MIB2: variants seen among roughly 807,000 people sequenced by gnomAD.
The protein encoded by MIB2 is MIB E3 ubiquitin protein ligase 2.
MIB2 carries 78 observed loss-of-function variants against 96.6 expected under a neutral mutation model. The observed-to-expected ratio is 0.81, with a 90% confidence interval of 0.67 to 0.97. MIB2 has a LOEUF of 0.97. Among genes scored for constraint, MIB2 ranks in the 50% least tolerant of loss-of-function variants. The pLI is 0.00. For missense variants in MIB2, 1,543 were observed against 1,424.0 expected, an observed-to-expected ratio of 1.08 and a Z score of -1.35; for synonymous variants, 820 against 629.5, an observed-to-expected ratio of 1.30 and a Z score of -4.53.
intron 1 of MIB2, 160 bp from the exon 2 acceptor site, chr1:1,616,348 C>G (rs1643674224): frequency 3.6e-6 from 2 of 552,452 alleles, no homozygotes; most frequent in African/African-American, 2.0e-5. Flanking sequence ...CCTGCGCGCT[C>G]AGACCCCAGG....
chr1:1,627,547 G>T (rs1644915742), intron 12 of MIB2, 103 bp downstream of exon 12: 1 of 1,475,636 alleles, frequency 6.8e-7, no homozygotes, highest in Admixed American at 2.4e-5. Context: ...GCGTCCTGGG[G>T]TGAGGCCTGG....
Position 1,628,296 on chromosome 1 carries a change from G to GGGCGC in MIB2, c.1869_1873dup (p.Gln625ArgfsTer39). On this transcript the variant is annotated frameshift_variant, in exon 15 of 20. Transcript: ENST00000355826. LOFTEE classifies it high-confidence loss of function. ...AGAGCTGTGAGAAAGATTCTGGCTC[G>GGGCGC]GGCGCGGCAGCTGGTGGACGCCAAG... 1 of 1,612,938 alleles carries GGGCGC rather than the reference G, an allele frequency of 6.2e-7. No homozygotes were observed.
At chr1:1,629,824 C>T (rs1638407780) in intron 19 of MIB2, 120 bp downstream of exon 19, 3 of 1,135,638 alleles carry the variant, frequency 2.6e-6, no homozygotes, top group South Asian at 1.7e-5. Flanking sequence ...TTACACCCCG[C>T]CCTCCCAAGG....
intron 2 of MIB2, 21 bp from the exon 3 acceptor site, chr1:1,623,410 C>G (rs757179902): frequency 2.5e-6 from 4 of 1,601,050 alleles, no homozygotes; most frequent in African/African-American, 1.3e-5. Flanking sequence ...CCCGGCCCAC[C>G]ATGGACCCCT....
chr1:1,626,846 C>G lies in MIB2; in HGVS notation c.1087C>G (p.Arg363Gly), dbSNP rs549282813. The G allele has an allele frequency of 2.5e-6, 4 of 1,602,332 alleles. No individual in the cohort carries two copies. In the East Asian group the frequency reaches 8.9e-5, roughly 36 times the overall value. The change falls in exon 10 of 20, where the codon CGC (arginine) becomes GGC (glycine). Residue 363 changes from arginine (R) to glycine (G), a missense_variant. Transcript: ENST00000355826. This position sits in a 1 kb window ranked among gnomAD's most constrained non-coding sequence, Gnocchi z 5.3. ...CCTCCCCTCCCCGCAGGCCCTGGGC[C>G]GCGTCGGGAAGGTGGTGAAAGTGTT... The part of the protein sequence containing the change: ...WTDDMAPALG[R>G]VGKVVKVFGD...
rs149275584 is a variant in MIB2, at chr1:1,616,654, G to C, written c.-23+40G>C. On this transcript the variant is annotated intron_variant, in intron 2 of 19. Coordinates refer to ENST00000355826, the MANE Select transcript of MIB2 (RefSeq NM_001170687.4). ...GTCCGCGGCCTGATAGTTTGCACTT[G>C]GCTCTCCCACTTTGGGGCTCCGTGG... 7,174 of 1,506,136 alleles carry C rather than the reference G, an allele frequency of 4.8e-3. 175 individuals are homozygous for C. Among genetic ancestry groups the C allele is most frequent in the South Asian group, 0.046 (3,742 of 81,638 alleles). 93.3% of individuals were successfully genotyped at this position (1,506,136 alleles called of 1,614,324 possible). A position where few individuals can be genotyped will look rare whatever the true frequency, so the allele number is the denominator to read the frequency against.
Position 1,629,521 on chromosome 1 carries a change from C to T in MIB2, c.2518C>T (p.Leu840=). 2 of 1,540,164 alleles carry T rather than the reference C, an allele frequency of 1.3e-6. No individual in the cohort carries two copies. The highest frequency in any genetic ancestry group is 1.7e-6 in the Non-Finnish European group (2 of 1,147,282). Reference sequence around the variant, plus strand: ...GTGCCTGGTGTGCTCCGAGCTGGCGCTGCTGGTGCTGTTCTCGCCGTGCCA... The same window carrying T: ...GTGCCTGGTGTGCTCCGAGCTGGCGTTGCTGGTGCTGTTCTCGCCGTGCCA... ...AECLVCSELA[L]LVLFSPCQHR... Residue 840 remains leucine, a synonymous_variant, in exon 18 of 20, where the codon CTG becomes TTG. Transcript: ENST00000355826.
intron 2 of MIB2, 131 bp downstream of exon 2, chr1:1,616,745 A>C: frequency 1.5e-6 from 1 of 685,908 alleles, no homozygotes; most frequent in Non-Finnish European, 2.4e-6. Context: ...GTGGTGAGTA[A>C]TCCCGCGTCT....
intron 1 of MIB2, 81 bp downstream of exon 1, chr1:1,615,714 C>A: frequency 6.7e-7 from 1 of 1,496,268 alleles, no homozygotes; most frequent in Non-Finnish European, 8.9e-7. Flanking sequence ...ACGCGAGCGC[C>A]GTCCGGTTCC....
At position 1,628,387 on chromosome 1, in the gene MIB2, C is replaced by T. The variant is rs780894660; in HGVS notation, c.1956C>T (p.Ile652=). 36 of 1,612,162 alleles carry T rather than the reference C, an allele frequency of 2.2e-5. No homozygotes were observed. The highest frequency in any genetic ancestry group is 3.3e-5 in the South Asian group (3 of 91,048). Residue 652 remains isoleucine, a synonymous_variant, in exon 15 of 20, where the codon ATC becomes ATT. Coordinates refer to ENST00000355826, the MANE Select transcript of MIB2 (RefSeq NM_001170687.4). The stretch of plus-strand genomic sequence containing the variant: ...ACAACCACCGCGAGGTGGCCCAGAT[C>T]CTCATCCGGGAGGTGCGGACGCGGC... ...ALNNHREVAQ[I]LIREGRCDVN... is the part of the protein sequence containing the mutation.
chr1:1,625,241 A>C lies in MIB2; in HGVS notation c.722-45A>C. The C allele has an allele frequency of 1.2e-6, 2 of 1,602,018 alleles. No individual in the cohort carries two copies. Among genetic ancestry groups the C allele is most frequent in the African/African-American group, 1.3e-5 (1 of 74,866 alleles). Reference sequence around the variant, plus strand: ...CCTCCTGCCTTGGCTGAAGTCCCAGAGGGGAGGGGCCGCTGCCTGAGGCCT... The same window carrying C: ...CCTCCTGCCTTGGCTGAAGTCCCAGCGGGGAGGGGCCGCTGCCTGAGGCCT... On this transcript the variant is annotated intron_variant, in intron 6 of 19. Coordinates refer to ENST00000355826, the MANE Select transcript of MIB2 (RefSeq NM_001170687.4). The surrounding 1 kb of genome is among the most constrained non-coding windows in gnomAD (Gnocchi z 5.0).
chr1:1,625,644 G>T lies in MIB2; in HGVS notation c.963G>T (p.Ala321=). ...HETRWTFHPG[A]LTKHHSFWVG... is the part of the protein sequence containing the mutation. ...CGCGCTGGACCTTCCACCCCGGGGC[G>T]CTCACCAAGGTGCCGGGGGGGCTGG... The change falls in exon 8 of 20, where the codon GCG becomes GCT. Residue 321 remains alanine, a synonymous_variant. Transcript: ENST00000355826. The surrounding 1 kb of genome is among the most constrained non-coding windows in gnomAD (Gnocchi z 5.0). The T allele has an allele frequency of 1.3e-6, 2 of 1,558,888 alleles. No homozygotes were observed. The highest frequency in any genetic ancestry group is 1.7e-6 in the Non-Finnish European group (2 of 1,151,528).
intron 14 of MIB2, 45 bp from the exon 15 acceptor site, chr1:1,628,228 C>T (rs1305083810): frequency 4.1e-5 from 66 of 1,612,428 alleles, no homozygotes; most frequent in Non-Finnish European, 5.4e-5. Flanking sequence ...TGCTGTGCTG[C>T]CTGGGGGCAG....
Position 1,616,564 on chromosome 1 carries a change from G to T in MIB2, c.-73G>T, listed in dbSNP as rs750549650. ...CCCAAAGTTTCCAGGCATCAGGGCTGCAGCCCAGGAGCCTCAAGGCGGCCC... is the reference window on the plus strand; with the variant it reads ...CCCAAAGTTTCCAGGCATCAGGGCTTCAGCCCAGGAGCCTCAAGGCGGCCC... On this transcript the variant is annotated 5_prime_UTR_variant, in exon 2 of 20. Transcript: ENST00000355826. The T allele has an allele frequency of 4.4e-6, 7 of 1,603,888 alleles. No individual in the cohort carries two copies. The East Asian group carries it at 1.1e-4, about 26-fold the overall frequency.
Position 1,629,587 on chromosome 1 carries a change from T to G in MIB2, c.2563+21T>G, listed in dbSNP as rs769780134. On this transcript the variant is annotated intron_variant, in intron 18 of 19. Coordinates refer to ENST00000355826, the MANE Select transcript of MIB2 (RefSeq NM_001170687.4). The stretch of plus-strand genomic sequence containing the variant: ...TGAGGGTGAGTGGGGGGCCCCGGGG[T>G]GGGGAGGCCCGGCTAGTAGGGCCGC... 9 of 1,560,386 alleles carry G rather than the reference T, an allele frequency of 5.8e-6. 1 individual carries two copies. Among genetic ancestry groups the G allele is most frequent in the Non-Finnish European group, 4.3e-6 (5 of 1,154,414 alleles).
At position 1,623,402 on chromosome 1, in the gene MIB2, C is replaced by T. The variant is rs201820622; in HGVS notation, c.-22-29C>T. 3.9e-4 allele frequency: 620 copies of T among 1,599,816 alleles called. 3 individuals are homozygous for T. The highest frequency in any genetic ancestry group is 1.6e-3 in the South Asian group (139 of 89,590). ...CTCTGCCCACAGGTCCCGAGCAGCC[C>T]GGCCCACCATGGACCCCTCTGCCCA... On this transcript the variant is annotated intron_variant, in intron 2 of 19. Transcript: ENST00000355826.
In MIB2 at chr1:1,627,687, C is replaced by T; in HGVS notation, c.1538C>T (p.Ala513Val). The T allele has an allele frequency of 6.3e-7, 1 of 1,594,276 alleles. No individual in the cohort carries two copies. The highest frequency in any genetic ancestry group is 8.5e-7 in the Non-Finnish European group (1 of 1,178,150). Residue 513 changes from alanine to valine, a missense_variant, in exon 13 of 20, where the codon GCC becomes GTC. Transcript: ENST00000355826. The part of the protein sequence containing the change: ...HYAALGNQPE[A>V]TRVLLSAGCR... The stretch of plus-strand genomic sequence containing the variant: ...TCTCCTGTCAGGAACCAGCCCGAGG[C>T]CACCAGGGTGCTCCTGAGTGCTGGG...
At position 1,615,546 on chromosome 1, in the gene MIB2, G is replaced by T; in HGVS notation, c.-217G>T. Reference sequence around the variant, plus strand: ...CCAGCCGCCGCTCTCCTCAGTGCCCGGTGGCCCAGGAGGGCCTGGGAGCCC... The same window carrying T: ...CCAGCCGCCGCTCTCCTCAGTGCCCTGTGGCCCAGGAGGGCCTGGGAGCCC... On this transcript the variant is annotated 5_prime_UTR_variant, in exon 1 of 20. Transcript: ENST00000355826. 1 of 1,535,596 alleles carries T rather than the reference G, an allele frequency of 6.5e-7. No homozygotes were observed. Among genetic ancestry groups the T allele is most frequent in the Non-Finnish European group, 8.7e-7 (1 of 1,145,914 alleles).
At position 1,626,429 on chromosome 1, in the gene MIB2, A is replaced by G. The variant is rs973008769; in HGVS notation, c.973-221A>G. 45 of 532,616 alleles carry G rather than the reference A, an allele frequency of 8.4e-5. No individual in the cohort carries two copies. The highest frequency in any genetic ancestry group is 2.5e-4 in the Admixed American group (7 of 27,814). The allele number at this position is 532,616 out of a possible 1,614,324, so 33.0% of individuals were successfully genotyped here. ...AGAGCTGGCTTCTGTCTGCCTGGAC[A>G]CTCCTCCCATGGCTCTGGGGCTAGG... is the stretch of plus-strand genomic sequence containing the variant. On this transcript the variant is annotated intron_variant, in intron 8 of 19. Coordinates refer to ENST00000355826, the MANE Select transcript of MIB2 (RefSeq NM_001170687.4). This position sits in a 1 kb window ranked among gnomAD's most constrained non-coding sequence, Gnocchi z 5.3.
Sources: gnomAD v4.1 joint callset for allele counts on GRCh38, gnomAD v4.1.1 for gene constraint, Gnocchi (gnomAD v3.1) non-coding constraint, MANE v1.5 for transcripts, NCBI Gene and HGNC (gene_info 2026-07-23, HGNC 2026-07-21) for gene names.